Variants in SLC35F1 observed in about 807,000 individuals in gnomAD.
SLC35F1 encodes the protein chromosome 6 open reading frame 169.
In SLC35F1, 14 loss-of-function variants were observed where a neutral mutation model predicts 48.7. The observed-to-expected ratio is 0.29, with a 90% confidence interval of 0.19 to 0.45. The LOEUF is 0.45. SLC35F1 is among the 20% of genes least tolerant of loss of function. The pLI, the probability that SLC35F1 is intolerant of heterozygous loss-of-function variation, is 1.00. For synonymous variants in SLC35F1, 190 were observed against 202.2 expected (o/e 0.94, Z 0.51); for missense variants, 404 against 500.0 (o/e 0.81, Z 1.83).
At chr6:117,941,908 G>T (rs1384165805) in intron 1 of SLC35F1, among the ~76,000 whole-genome samples, 1 of 152,160 alleles carries the variant, frequency 6.6e-6, no homozygotes, top group African/African-American at 2.4e-5. Context: ...TCACCCTGGA[G>T]TTATCTAAGC....
intron 3 of SLC35F1, among the ~76,000 whole-genome samples, chr6:118,236,729 A>G (rs1775370231): frequency 6.6e-6 from 1 of 152,186 alleles, no homozygotes; most frequent in South Asian, 2.1e-4. Flanking sequence ...AGTCAGGTGC[A>G]TATTGAAGAA....
chr6:118,213,226 TATTATA>T (rs1222220360), intron 2 of SLC35F1, among the ~76,000 whole-genome samples: 5 of 152,338 alleles, frequency 3.3e-5, no homozygotes, highest in Admixed American at 6.5e-5. Flanking sequence ...AGTTATGGCA[TATTATA>T]ATTATTAGCC....
intron 2 of SLC35F1, among the ~76,000 whole-genome samples, chr6:118,222,645 C>G (rs1775166294): frequency 6.6e-6 from 1 of 152,206 alleles, no homozygotes; most frequent in Non-Finnish European, 1.5e-5. Flanking sequence ...TTACTAACAT[C>G]TTCCAATGGT....
chr6:118,168,007 A>G (rs1029295777), intron 2 of SLC35F1, among the ~76,000 whole-genome samples: 1 of 152,160 alleles, frequency 6.6e-6, no homozygotes, highest in Admixed American at 6.5e-5. Context: ...GCTAGAATCA[A>G]TAGTTTGCTG....
chr6:118,044,677 G>A (rs1772274703), intron 1 of SLC35F1, among the ~76,000 whole-genome samples: 1 of 152,066 alleles, frequency 6.6e-6, no homozygotes, highest in African/African-American at 2.4e-5. Context: ...AATTATTCCA[G>A]CCTTTTGAAG....
chr6:118,053,356 C>T (rs1326380035), intron 1 of SLC35F1, among the ~76,000 whole-genome samples: 1 of 151,996 alleles, frequency 6.6e-6, no homozygotes. Flanking sequence ...ACTTAGAATA[C>T]CACAGAGATG....
chr6:117,924,122 CAT>C (rs1224709676), intron 1 of SLC35F1, among the ~76,000 whole-genome samples: 1 of 140,158 alleles, frequency 7.1e-6, no homozygotes, highest in Non-Finnish European at 1.5e-5. Context: ...TATATACACA[CAT>C]AGGTACACAT....
chr6:118,136,060 C>T (rs205973), intron 1 of SLC35F1, among the ~76,000 whole-genome samples: 4,709 of 152,308 alleles, frequency 0.031, 175 homozygotes, highest in African/African-American at 0.08. Context: ...ATGCAGTCAA[C>T]CAAGCACCAT....
intron 4 of SLC35F1, among the ~76,000 whole-genome samples, chr6:118,272,761 A>ATG (rs1302034708): frequency 2.5e-5 from 3 of 119,736 alleles, no homozygotes; most frequent in Non-Finnish European, 5.7e-5. Flanking sequence ...ATATATATAT[A>ATG]TATGTATATA....
chr6:118,298,372 T>C (rs1239422896), intron 7 of SLC35F1, among the ~76,000 whole-genome samples: 5 of 152,126 alleles, frequency 3.3e-5, no homozygotes, highest in Non-Finnish European at 7.3e-5. Flanking sequence ...TTTACATTCA[T>C]AGGTCATCTT....
At chr6:117,911,606 T>A (rs541949199) in intron 1 of SLC35F1, among the ~76,000 whole-genome samples, 47 of 152,038 alleles carry the variant, frequency 3.1e-4, no homozygotes, top group African/African-American at 9.9e-4. Flanking sequence ...TGGCTATTTT[T>A]AAAAAATTTT....
At chr6:118,182,265 C>T (rs1387080396) in intron 2 of SLC35F1, among the ~76,000 whole-genome samples, 1 of 151,308 alleles carries the variant, frequency 6.6e-6, no homozygotes, top group African/African-American at 2.4e-5. Context: ...GTGGGTGGAT[C>T]ACTTGAGCCC....
At chr6:118,243,281 A>G (rs1413963238) in intron 3 of SLC35F1, among the ~76,000 whole-genome samples, 2 of 152,208 alleles carry the variant, frequency 1.3e-5, no homozygotes, top group African/African-American at 4.8e-5. Flanking sequence ...TGTTTAAGCC[A>G]TATGAGTAGA....
intron 1 of SLC35F1, among the ~76,000 whole-genome samples, chr6:118,018,756 G>GTGGC (rs1777355513): frequency 6.6e-6 from 1 of 152,180 alleles, no homozygotes; most frequent in Admixed American, 6.5e-5. Context: ...CTGGGGATGT[G>GTGGC]TGGCTAATGG....
At chr6:118,126,877 T>G (rs1018726721) in intron 1 of SLC35F1, among the ~76,000 whole-genome samples, 1 of 151,962 alleles carries the variant, frequency 6.6e-6, no homozygotes, top group Non-Finnish European at 1.5e-5. Flanking sequence ...TAAGGAGATT[T>G]TGGGCTGAGA....
chr6:117,920,528 C>T (rs1247854794), intron 1 of SLC35F1, among the ~76,000 whole-genome samples: 5 of 152,136 alleles, frequency 3.3e-5, no homozygotes, highest in African/African-American at 1.2e-4. Flanking sequence ...ATGACCACCA[C>T]CCAGTGAGTG....
intron 1 of SLC35F1, among the ~76,000 whole-genome samples, chr6:118,040,852 C>T (rs563023743): frequency 3.3e-5 from 5 of 151,504 alleles, no homozygotes; most frequent in Non-Finnish European, 7.4e-5. Flanking sequence ...TTTACATCTC[C>T]CTAACCCCCA....
intron 2 of SLC35F1, among the ~76,000 whole-genome samples, chr6:118,159,560 G>T (rs983761921): frequency 6.6e-6 from 1 of 152,126 alleles, no homozygotes; most frequent in African/African-American, 2.4e-5. Flanking sequence ...ACTTCTCCTT[G>T]TATCTACTAT....
chr6:118,005,863 G>A (rs1054449649), intron 1 of SLC35F1, among the ~76,000 whole-genome samples: 1 of 152,064 alleles, frequency 6.6e-6, no homozygotes, highest in African/African-American at 2.4e-5. Context: ...CCTTCCCATA[G>A]GATCACTTCT....
Sources: gnomAD v4.1 joint callset for allele counts (sites outside exome capture counted in the v4.1 genomes callset) on GRCh38, gnomAD v4.1.1 for gene constraint, MANE v1.5 for transcripts, NCBI Gene and HGNC (gene_info 2026-07-23, HGNC 2026-07-21) for gene names.